MRPL30: variants seen among roughly 807,000 people sequenced by gnomAD.
The protein encoded by MRPL30 is mitochondrial ribosomal protein L30, also known as large ribosomal subunit protein uL30m.
MRPL30 carries 10 observed loss-of-function variants against 17.2 expected under a neutral mutation model. That is an observed-to-expected ratio of 0.58 (90% CI 0.36 to 0.99). MRPL30 has a LOEUF of 0.99. Ranked by LOEUF, MRPL30 falls within the 50% of genes least tolerant of loss-of-function variation. The pLI is 0.01. For synonymous variants in MRPL30, 61 were observed against 62.1 expected (o/e 0.98, Z 0.08); for missense variants, 170 against 189.8 (o/e 0.90, Z 0.61).
At chr2:99,190,001 T>A (rs996511456) in intron 3 of MRPL30, among the ~76,000 whole-genome samples, 1 of 150,418 alleles carries the variant, frequency 6.6e-6, no homozygotes, top group African/African-American at 2.4e-5. Context: ...GGTACACACC[T>A]GTAGTCCTAG....
intron 2 of MRPL30, among the ~76,000 whole-genome samples, chr2:99,186,740 C>T (rs1008558080): frequency 2.0e-5 from 3 of 152,084 alleles, no homozygotes; most frequent in Non-Finnish European, 4.4e-5. Context: ...TAAAAAATGG[C>T]TGTCATTGAT....
chr2:99,184,454 C>G (rs1230791099), intron 1 of MRPL30, among the ~76,000 whole-genome samples: 3 of 152,138 alleles, frequency 2.0e-5, no homozygotes, highest in South Asian at 4.1e-4. Flanking sequence ...ACATGAGTTC[C>G]ATTTCCAATC....
rs953700316 is a variant in MRPL30 at position 99,199,244 on chromosome 2, G to T, written c.*3539G>T. On this transcript the variant is annotated 3_prime_UTR_variant, in exon 6 of 6. Coordinates refer to ENST00000338148, the MANE Select transcript of MRPL30 (RefSeq NM_145212.4). ...ACACAGCTTGATAAAATTTTCAAGG[G>T]TCCAAATTACTGTCTAAACCATTTG... 6.6e-6 allele frequency among the ~76,000 whole-genome samples: 1 copy of T among 152,034 alleles called. No homozygotes were observed. The highest frequency in any genetic ancestry group is 6.6e-5 in the Admixed American group (1 of 15,260).
chr2:99,195,685 C>A lies in MRPL30; in HGVS notation c.466C>A (p.Gln156Lys). ...VVQWHLKPVE[Q>K]KAHES is the part of the protein sequence containing the mutation. ...GCAGTGGCATCTGAAACCTGTGGAG[C>A]AGAAAGCACATGAGTCCTAATGCCC... is the stretch of plus-strand genomic sequence containing the variant. Residue 156 changes from glutamine (Q) to lysine (K), a missense_variant, in exon 6 of 6, where the codon CAG becomes AAG. Transcript: ENST00000338148. 6.2e-7 allele frequency: 1 copy of A among 1,613,002 alleles called. No individual in the cohort carries two copies. Among genetic ancestry groups the A allele is most frequent in the South Asian group, 1.1e-5 (1 of 90,936 alleles).
At chr2:99,192,462 A>T (rs763386802) in intron 3 of MRPL30, among the ~76,000 whole-genome samples, 3 of 151,978 alleles carry the variant, frequency 2.0e-5, no homozygotes, top group Non-Finnish European at 4.4e-5. Flanking sequence ...CTCAACTCCC[A>T]CTTATGAGTG....
chr2:99,194,037 CAAAA>C (rs33944983), intron 3 of MRPL30, among the ~76,000 whole-genome samples: 1 of 130,308 alleles, frequency 7.7e-6, no homozygotes, highest in African/African-American at 3.0e-5. Flanking sequence ...GACTCCATCT[CAAAA>C]AAAAAAAAAA....
intron 1 of MRPL30, 31 bp from the exon 2 acceptor site, chr2:99,186,146 G>T (rs2093933562): frequency 6.8e-7 from 1 of 1,476,912 alleles, no homozygotes; most frequent in Non-Finnish European, 9.4e-7. Flanking sequence ...AGACATAGTT[G>T]ACTGATGGGT....
chr2:99,183,457 T>C (rs549399207), intron 1 of MRPL30, among the ~76,000 whole-genome samples: 3 of 151,906 alleles, frequency 2.0e-5, no homozygotes, highest in African/African-American at 7.2e-5. Flanking sequence ...TGATCCCAGC[T>C]ACTCAGCAGG....
At chr2:99,188,048 G>T (rs1224417183) in intron 2 of MRPL30, 129 bp from the exon 3 acceptor site, 2 of 616,508 alleles carry the variant, frequency 3.2e-6, no homozygotes, top group East Asian at 5.8e-5. Flanking sequence ...CACTCAGCTA[G>T]GGAGCTAAGA....
intron 3 of MRPL30, among the ~76,000 whole-genome samples, chr2:99,192,966 A>G (rs1207125070): frequency 6.6e-6 from 1 of 152,214 alleles, no homozygotes; most frequent in Non-Finnish European, 1.5e-5. Context: ...CAAAAGCCAA[A>G]ATTGACAAAT....
chr2:99,186,570 G>A (rs1430142351), intron 2 of MRPL30, among the ~76,000 whole-genome samples: 3 of 152,124 alleles, frequency 2.0e-5, no homozygotes, highest in Non-Finnish European at 4.4e-5. Flanking sequence ...CTGACCTTGT[G>A]ATCCACCTGC....
intron 1 of MRPL30, among the ~76,000 whole-genome samples, chr2:99,183,584 AT>A (rs397824862): frequency 3.3e-5 from 5 of 151,582 alleles, no homozygotes; most frequent in African/African-American, 1.2e-4. Context: ...AAAAAAAAAA[AT>A]TGATTTTCAC....
At chr2:99,192,169 A>G (rs2093947542) in intron 3 of MRPL30, among the ~76,000 whole-genome samples, 1 of 152,172 alleles carries the variant, frequency 6.6e-6, no homozygotes, top group Non-Finnish European at 1.5e-5. Flanking sequence ...AGAGTAGAAT[A>G]CGGAGTTCAA....
intron 2 of MRPL30, chr2:99,186,795 C>T (rs1462727029): frequency 1.3e-5 from 2 of 151,898 alleles, no homozygotes; most frequent in African/African-American, 4.8e-5. Flanking sequence ...TTGTTTTTCC[C>T]CTTAGATTAT....
At chr2:99,183,345 G>C (rs1225871910) in intron 1 of MRPL30, among the ~76,000 whole-genome samples, 2 of 152,146 alleles carry the variant, frequency 1.3e-5, no homozygotes, top group Admixed American at 1.3e-4. Flanking sequence ...CAGGCGGGCG[G>C]ATCACCTGAG....
chr2:99,188,792 C>T (rs1332044855), intron 3 of MRPL30, among the ~76,000 whole-genome samples: 1 of 152,120 alleles, frequency 6.6e-6, no homozygotes, highest in Non-Finnish European at 1.5e-5. Context: ...CCTCCGTCTC[C>T]CGGGTTCAAA....
intron 3 of MRPL30, among the ~76,000 whole-genome samples, chr2:99,188,796 G>A (rs2093938843): frequency 6.6e-6 from 1 of 152,036 alleles, no homozygotes. Context: ...CGTCTCCCGG[G>A]TTCAAACAGT....
At chr2:99,192,993 A>G (rs984175188) in intron 3 of MRPL30, among the ~76,000 whole-genome samples, 4 of 152,244 alleles carry the variant, frequency 2.6e-5, no homozygotes, top group Non-Finnish European at 5.9e-5. Flanking sequence ...TAATTAAACT[A>G]AAGAGCTTCT....
intron 3 of MRPL30, among the ~76,000 whole-genome samples, chr2:99,190,879 A>G (rs533349996): frequency 6.6e-6 from 1 of 152,340 alleles, no homozygotes; most frequent in African/African-American, 2.4e-5. Flanking sequence ...TTACCTATGT[A>G]ACAAACCTGC....
Sources: allele counts gnomAD v4.1 joint callset (sites outside exome capture counted in the v4.1 genomes callset), GRCh38; gene constraint gnomAD v4.1.1; transcripts MANE v1.5; gene names NCBI Gene and HGNC (gene_info 2026-07-23, HGNC 2026-07-21).